CALN1: variants seen among roughly 807,000 people sequenced by gnomAD.
CALN1 encodes calneuron 1, also known as calcium-binding protein 8.
Under a neutral mutation model 30.6 loss-of-function variants are expected in CALN1, and 17 were observed. That is an observed-to-expected ratio of 0.56 (90% CI 0.38 to 0.83). The LOEUF (loss-of-function observed/expected upper bound fraction) is 0.83, where lower values mean the gene tolerates loss of function less well. Ranked by LOEUF, CALN1 falls within the 40% of genes least tolerant of loss-of-function variation. The pLI is 0.00. For missense variants in CALN1, 291 were observed against 354.9 expected, an observed-to-expected ratio of 0.82 and a Z score of 1.45; for synonymous variants, 156 against 131.4, an observed-to-expected ratio of 1.19 and a Z score of -1.28.
At chr7:72,499,211 A>G in the CALN1 span, among the ~76,000 whole-genome samples, 1 of 152,076 alleles carries the variant, frequency 6.6e-6, no homozygotes, top group African/African-American at 2.4e-5. Flanking sequence ...TTGTATTTTT[A>G]GTAGAGACGA....
chr7:72,305,232 C>G (rs528558594), intron 2 of CALN1, among the ~76,000 whole-genome samples: 2 of 152,196 alleles, frequency 1.3e-5, no homozygotes, highest in African/African-American at 4.8e-5. Flanking sequence ...ATTAGATGAA[C>G]GCTCCTGCTG....
intron 3 of CALN1, among the ~76,000 whole-genome samples, chr7:72,197,820 C>A (rs1019668390): frequency 2.0e-5 from 3 of 152,094 alleles, no homozygotes; most frequent in African/African-American, 7.2e-5. Context: ...CATGCCACTG[C>A]ACTCTAGCCT....
chr7:72,330,118 C>A (rs1411076895), intron 2 of CALN1, among the ~76,000 whole-genome samples: 4 of 151,888 alleles, frequency 2.6e-5, no homozygotes, highest in Admixed American at 6.6e-5. Context: ...CATGGTGAAA[C>A]CCCGTCTCTA....
At chr7:72,315,304 G>A (rs1255725218) in intron 2 of CALN1, among the ~76,000 whole-genome samples, 1 of 151,558 alleles carries the variant, frequency 6.6e-6, no homozygotes, top group Non-Finnish European at 1.5e-5. Flanking sequence ...AAAAAACCGT[G>A]ACCAATGAAC....
intron 3 of CALN1, among the ~76,000 whole-genome samples, chr7:72,119,420 C>T (rs1808222933): frequency 6.6e-6 from 1 of 151,980 alleles, no homozygotes; most frequent in Admixed American, 6.6e-5. Flanking sequence ...TCATTAACCT[C>T]CCACCGGGTC....
At chr7:72,133,433 T>C (rs1280996606) in intron 3 of CALN1, among the ~76,000 whole-genome samples, 4 of 152,220 alleles carry the variant, frequency 2.6e-5, no homozygotes, top group Non-Finnish European at 5.9e-5. Context: ...ACAAGGCTCT[T>C]ACTTACAGAA....
intron 5 of CALN1, among the ~76,000 whole-genome samples, chr7:71,833,498 G>A (rs1168720456): frequency 6.6e-6 from 1 of 150,868 alleles, no homozygotes; most frequent in Non-Finnish European, 1.5e-5. Context: ...AAGCATTAAA[G>A]CAAGGAGAGG....
intron 2 of CALN1, among the ~76,000 whole-genome samples, chr7:72,349,409 A>G (rs1243847759): frequency 1.3e-5 from 2 of 152,132 alleles, no homozygotes; most frequent in Non-Finnish European, 2.9e-5. Flanking sequence ...ACAGCTCCAC[A>G]TGACAGAATT....
Position 71,815,875 on chromosome 7 carries a change from C to T in CALN1, c.502-5383G>A, listed in dbSNP as rs1419713029. On this transcript the variant is annotated intron_variant, in intron 5 of 6. Transcript: ENST00000395275. ...CCTTCTTTCCTTCCTCCCTTCCTTC[C>T]CTCCTTCCTCTCTCTTTTACTTTCT... Among the ~76,000 whole-genome samples, 4 of 140,584 alleles carry T rather than the reference C, an allele frequency of 2.8e-5. No individual in the cohort carries two copies. The South Asian group carries it at 7.6e-4, about 27-fold the overall frequency. The allele number at this position is 140,584 out of a possible 152,430, so 92.2% of individuals were successfully genotyped here.
At chr7:72,372,762 G>A (rs182130141) in intron 2 of CALN1, among the ~76,000 whole-genome samples, 28 of 152,154 alleles carry the variant, frequency 1.8e-4, no homozygotes, top group Admixed American at 1.5e-3. Context: ...CAGACTGATC[G>A]CCTACTAAAA....
At chr7:72,013,094 G>A (rs749237243) in intron 5 of CALN1, among the ~76,000 whole-genome samples, 11 of 151,970 alleles carry the variant, frequency 7.2e-5, no homozygotes, top group South Asian at 2.1e-4. Flanking sequence ...CACTGTACCC[G>A]GCCGGCTTTT....
chr7:72,158,841 GATTT>G (rs918138681), intron 3 of CALN1, among the ~76,000 whole-genome samples: 25 of 151,944 alleles, frequency 1.6e-4, no homozygotes, highest in South Asian at 4.2e-4. Flanking sequence ...TATTATGTGA[GATTT>G]ATTTATTTAT....
chr7:72,406,345 C>T (rs1040961724), intron 1 of CALN1, among the ~76,000 whole-genome samples: 4 of 152,194 alleles, frequency 2.6e-5, no homozygotes, highest in Admixed American at 2.0e-4. Flanking sequence ...GACACAGGCA[C>T]CTCCTGAGTC....
At chr7:72,186,675 TTC>T (rs1181893661) in intron 3 of CALN1, among the ~76,000 whole-genome samples, 5 of 152,110 alleles carry the variant, frequency 3.3e-5, no homozygotes, top group Admixed American at 6.5e-5. Flanking sequence ...CTATTTGGTT[TTC>T]TGTTTCTGTG....
intron 2 of CALN1, among the ~76,000 whole-genome samples, chr7:72,333,096 C>T (rs557647795): frequency 1.3e-5 from 2 of 152,306 alleles, no homozygotes; most frequent in East Asian, 1.9e-4. Context: ...ATATTCTCCA[C>T]GTGTTCTAAT....
At chr7:72,342,377 G>T (rs1802425152) in intron 2 of CALN1, among the ~76,000 whole-genome samples, 1 of 152,088 alleles carries the variant, frequency 6.6e-6, no homozygotes, top group African/African-American at 2.4e-5. Flanking sequence ...TAAGGTGGTT[G>T]CAGGTTTACA....
rs1470361352 is a variant in CALN1 at position 71,782,122 on chromosome 7, A to G, written c.*5653T>C. 6.6e-6 allele frequency: 1 copy of G among 152,176 alleles called. No homozygotes were observed. Among genetic ancestry groups the G allele is most frequent in the Non-Finnish European group, 1.5e-5 (1 of 68,032 alleles). 9.4% of individuals were successfully genotyped at this position (152,176 alleles called of 1,614,324 possible). On this transcript the variant is annotated 3_prime_UTR_variant, in exon 7 of 7. Transcript: ENST00000395275. Reference sequence around the variant, plus strand: ...GTAATTGATCTCATTGCTCCAAACCAATCATAGAGGCTGGATATTTGTTCC... The same window carrying G: ...GTAATTGATCTCATTGCTCCAAACCGATCATAGAGGCTGGATATTTGTTCC...
intron 3 of CALN1, among the ~76,000 whole-genome samples, chr7:72,190,871 GT>G (rs1790547740): frequency 6.6e-6 from 1 of 151,634 alleles, no homozygotes; most frequent in Non-Finnish European, 1.5e-5. Context: ...AAAAATGTGT[GT>G]CTTTATTTAA....
At chr7:72,454,511 C>G in the CALN1 span, among the ~76,000 whole-genome samples, 2 of 152,172 alleles carry the variant, frequency 1.3e-5, no homozygotes, top group African/African-American at 4.8e-5. Context: ...GACACCAGAC[C>G]CTGCCACTAA....
Sources: allele counts gnomAD v4.1 joint callset (sites outside exome capture counted in the v4.1 genomes callset), GRCh38; gene constraint gnomAD v4.1.1; transcripts MANE v1.5; gene names NCBI Gene and HGNC (gene_info 2026-07-23, HGNC 2026-07-21).